Variants in CRACR2A observed in about 807,000 individuals in gnomAD.
CRACR2A encodes calcium release activated channel regulator 2A.
CRACR2A carries 79 observed loss-of-function variants against 90.5 expected under a neutral mutation model. The observed-to-expected ratio is 0.87, with a 90% confidence interval of 0.73 to 1.05. The LOEUF (loss-of-function observed/expected upper bound fraction) is 1.05. CRACR2A is among the 50% of genes least tolerant of loss of function. The pLI, the probability that CRACR2A is intolerant of heterozygous loss-of-function variation, is 0.00. For missense variants in CRACR2A, 823 were observed against 897.2 expected (o/e 0.92, Z 1.06); for synonymous variants, 338 against 356.7 (o/e 0.95, Z 0.59).
intron 2 of CRACR2A, among the ~76,000 whole-genome samples, chr12:3,719,756 A>C (rs755119601): frequency 4.6e-5 from 7 of 152,208 alleles, no homozygotes; most frequent in African/African-American, 7.2e-5. Flanking sequence ...GAATGGACTT[A>C]TCTCTCTTAT....
intron 7 of CRACR2A, among the ~76,000 whole-genome samples, chr12:3,663,609 A>C (rs1160350890): frequency 6.6e-6 from 1 of 152,144 alleles, no homozygotes; most frequent in African/African-American, 2.4e-5. Flanking sequence ...ATCCCTTTAC[A>C]ATTCCCTTCA....
At chr12:3,687,607 T>C (rs920300726) in intron 4 of CRACR2A, among the ~76,000 whole-genome samples, 6 of 152,242 alleles carry the variant, frequency 3.9e-5, no homozygotes, top group South Asian at 2.1e-4. Context: ...TTGATGGGCA[T>C]TTAGGTTGAT....
At chr12:3,659,793 T>C in intron 7 of CRACR2A, 139 bp from the exon 8 acceptor site, 1 of 668,824 alleles carries the variant, frequency 1.5e-6, no homozygotes, top group Non-Finnish European at 2.6e-6. Context: ...GCCAACGCTA[T>C]AAGATCAGTC....
intron 7 of CRACR2A, among the ~76,000 whole-genome samples, chr12:3,660,180 C>T (rs1242236053): frequency 1.3e-5 from 2 of 152,218 alleles, no homozygotes; most frequent in African/African-American, 4.8e-5. Flanking sequence ...AGGGGACTCT[C>T]CCTGTATGCC....
chr12:3,633,539 C>A lies in CRACR2A; in HGVS notation c.1735+65G>T, dbSNP rs1944410347. 2 of 1,545,554 alleles carry A rather than the reference C, an allele frequency of 1.3e-6. No individual in the cohort carries two copies. The highest frequency in any genetic ancestry group is 8.7e-7 in the Non-Finnish European group (1 of 1,142,918). On this transcript the variant is annotated intron_variant, in intron 15 of 19. Coordinates refer to ENST00000440314, the MANE Select transcript of CRACR2A (RefSeq NM_001144958.2). This position sits in a 1 kb window ranked among gnomAD's most constrained non-coding sequence, Gnocchi z 4.5. Reference sequence around the variant, plus strand: ...GGCTTCTAACGCTCCCTGCCCCGGGCCCCCTTCTCACAAACTCCCTTCCCA... The same window carrying A: ...GGCTTCTAACGCTCCCTGCCCCGGGACCCCTTCTCACAAACTCCCTTCCCA...
At chr12:3,716,682 G>C (rs1946088360) in intron 2 of CRACR2A, among the ~76,000 whole-genome samples, 1 of 152,068 alleles carries the variant, frequency 6.6e-6, no homozygotes, top group South Asian at 2.1e-4. Flanking sequence ...ATTTTTGGGG[G>C]GCATTGTCCC....
At chr12:3,750,066 G>A (rs1946683201) in intron 1 of CRACR2A, among the ~76,000 whole-genome samples, 1 of 151,832 alleles carries the variant, frequency 6.6e-6, no homozygotes, top group Non-Finnish European at 1.5e-5. Flanking sequence ...CTCCTGAATA[G>A]CTGGGATTAC....
At chr12:3,717,998 G>A (rs61414382) in intron 2 of CRACR2A, among the ~76,000 whole-genome samples, 20,741 of 152,066 alleles carry the variant, frequency 0.14, 1,607 homozygotes, top group Admixed American at 0.23. Flanking sequence ...ACAGCCCTGG[G>A]TTCAAGTCCC....
intron 1 of CRACR2A, among the ~76,000 whole-genome samples, chr12:3,750,950 C>G (rs1946694018): frequency 6.6e-6 from 1 of 152,224 alleles, no homozygotes; most frequent in South Asian, 2.1e-4. Context: ...GGGGTTCCAT[C>G]TCTGTCAGTG....
intron 2 of CRACR2A, among the ~76,000 whole-genome samples, chr12:3,720,642 G>C (rs1946156480): frequency 6.6e-6 from 1 of 152,176 alleles, no homozygotes; most frequent in African/African-American, 2.4e-5. Context: ...CGTGCTGAGT[G>C]AATTCTCCTC....
At chr12:3,692,919 C>T (rs956582761) in intron 4 of CRACR2A, among the ~76,000 whole-genome samples, 8 of 152,200 alleles carry the variant, frequency 5.3e-5, no homozygotes, top group Non-Finnish European at 1.2e-4. Flanking sequence ...TTGCTGTTCT[C>T]TGTGCCTAGT....
chr12:3,751,282 T>G (rs926920599), intron 1 of CRACR2A, among the ~76,000 whole-genome samples: 1 of 152,132 alleles, frequency 6.6e-6, no homozygotes, highest in Admixed American at 6.5e-5. Context: ...CCCAAGCCTT[T>G]TAGCCCCTTC....
At chr12:3,701,576 ACTGATTCC>A (rs1184964560) in intron 3 of CRACR2A, among the ~76,000 whole-genome samples, 1 of 152,152 alleles carries the variant, frequency 6.6e-6, no homozygotes, top group African/African-American at 2.4e-5. Flanking sequence ...GATTAGATGA[ACTGATTCC>A]TTGAAAAACA....
chr12:3,656,504 C>T, intron 8 of CRACR2A, 98 bp from the exon 9 acceptor site: 1 of 1,049,442 alleles, frequency 9.5e-7, no homozygotes, highest in African/African-American at 1.6e-5. Flanking sequence ...ACATCAGGGC[C>T]CATCCTATTA....
At chr12:3,695,914 C>T (rs1419018984) in intron 4 of CRACR2A, among the ~76,000 whole-genome samples, 2 of 152,240 alleles carry the variant, frequency 1.3e-5, no homozygotes, top group Non-Finnish European at 2.9e-5. Context: ...GGCATCAAAC[C>T]AGGAGTGGGC....
chr12:3,672,644 A>G (rs1945266853), intron 7 of CRACR2A: 5 of 553,882 alleles, frequency 9.0e-6, no homozygotes, highest in Non-Finnish European at 1.1e-5. Flanking sequence ...TTAAAGGACT[A>G]TGAACAGCAC....
At chr12:3,729,296 C>T (rs1167787191) in intron 2 of CRACR2A, 1 of 152,204 alleles carries the variant, frequency 6.6e-6, no homozygotes, top group African/African-American at 2.4e-5. Context: ...CAGTATGTAG[C>T]CATCTGGCCC....
chr12:3,642,697 C>A (rs1005292046), intron 12 of CRACR2A, among the ~76,000 whole-genome samples: 2 of 152,172 alleles, frequency 1.3e-5, no homozygotes, highest in Non-Finnish European at 2.9e-5. Flanking sequence ...TAGTTCAGCT[C>A]TTTGGTGGAA....
chr12:3,717,144 C>A lies in CRACR2A; in HGVS notation c.-117-3827G>T, dbSNP rs181133871. Among the ~76,000 whole-genome samples, 112 of 152,162 alleles carry A rather than the reference C, an allele frequency of 7.4e-4. 1 individual carries two copies. The highest frequency in any genetic ancestry group is 1.4e-3 in the Non-Finnish European group (96 of 68,000). ...GGGTTTGGATGCTCTTCAGGATAAT[C>A]CCATTTAGCAAGGTCACGAGAAATG... On this transcript the variant is annotated intron_variant, in intron 2 of 19. Coordinates refer to ENST00000440314, the MANE Select transcript of CRACR2A (RefSeq NM_001144958.2).
Sources: allele counts gnomAD v4.1 joint callset (sites outside exome capture counted in the v4.1 genomes callset), GRCh38; gene constraint gnomAD v4.1.1; non-coding constraint Gnocchi (gnomAD v3.1); transcripts MANE v1.5; gene names NCBI Gene and HGNC (gene_info 2026-07-23, HGNC 2026-07-21).